Variants in SLC24A3 observed in about 807,000 individuals in gnomAD.
The protein encoded by SLC24A3 is sodium/potassium/calcium exchanger 3.
SLC24A3 carries 28 observed loss-of-function variants against 75.8 expected under a neutral mutation model. The observed-to-expected ratio is 0.37, with a 90% confidence interval of 0.27 to 0.51. The LOEUF (loss-of-function observed/expected upper bound fraction) is 0.51, where lower values mean the gene tolerates loss of function less well. SLC24A3 is among the 20% of genes least tolerant of loss of function. The probability of loss-of-function intolerance (pLI) is 0.94; values close to 1 mark genes in which losing one functional copy is unlikely to be tolerated. For synonymous variants in SLC24A3, 372 were observed against 334.1 expected (o/e 1.11, Z -1.24); for missense variants, 663 against 847.8 (o/e 0.78, Z 2.71).
intron 3 of SLC24A3, among the ~76,000 whole-genome samples, chr20:19,554,124 C>T (rs976677353): frequency 1.3e-5 from 2 of 152,076 alleles, no homozygotes; most frequent in African/African-American, 4.8e-5. Flanking sequence ...GGCTCAGGCA[C>T]ATGTGAAAGT....
intron 2 of SLC24A3, among the ~76,000 whole-genome samples, chr20:19,479,243 G>A (rs1259774623): frequency 2.0e-5 from 3 of 152,198 alleles, no homozygotes; most frequent in Non-Finnish European, 4.4e-5. Context: ...ACCTTCACCA[G>A]GAATATCTGA....
intron 2 of SLC24A3, among the ~76,000 whole-genome samples, chr20:19,305,562 C>T (rs1214290262): frequency 2.0e-5 from 3 of 151,956 alleles, no homozygotes; most frequent in African/African-American, 4.8e-5. Flanking sequence ...AGAATGATCT[C>T]ATGACACATA....
rs1471757521 is a variant in SLC24A3 at position 19,567,977 on chromosome 20, T to G, written c.349-12023T>G. Among the ~76,000 whole-genome samples the G allele has an allele frequency of 3.3e-5, 5 of 151,388 alleles. No individual in the cohort carries two copies. In the East Asian group the frequency reaches 9.7e-4, roughly 29 times the overall value. On this transcript the variant is annotated intron_variant, in intron 3 of 16. Coordinates refer to ENST00000328041, the MANE Select transcript of SLC24A3 (RefSeq NM_020689.4). The stretch of plus-strand genomic sequence containing the variant: ...TTGATTTCAAAATGGGCGAAGGACT[T>G]GAATAGACTTTTCTGCAAAAAAATG...
At chr20:19,215,628 T>C (rs965816) in intron 1 of SLC24A3, among the ~76,000 whole-genome samples, 31,511 of 152,074 alleles carry the variant, frequency 0.21, 3,374 homozygotes, top group Non-Finnish European at 0.24. Flanking sequence ...TCTTTCTTCC[T>C]TCCTGCTCCC....
intron 6 of SLC24A3, among the ~76,000 whole-genome samples, chr20:19,651,429 C>T (rs1314125424): frequency 6.7e-6 from 1 of 149,034 alleles, no homozygotes; most frequent in East Asian, 2.0e-4. Flanking sequence ...CTGCTTTCCT[C>T]TCCTCTGTCT....
chr20:19,668,915 G>A (rs2032431585), intron 8 of SLC24A3, among the ~76,000 whole-genome samples: 1 of 152,180 alleles, frequency 6.6e-6, no homozygotes, highest in African/African-American at 2.4e-5. Context: ...ATTGAAGAAA[G>A]GAAGGAGGAA....
chr20:19,277,433 T>C (rs192339570), intron 1 of SLC24A3, among the ~76,000 whole-genome samples: 41 of 152,350 alleles, frequency 2.7e-4, no homozygotes, highest in Non-Finnish European at 1.2e-4. Flanking sequence ...CTCTGACTTA[T>C]GTACTCTAAA....
intron 15 of SLC24A3, among the ~76,000 whole-genome samples, chr20:19,711,907 G>T (rs760082540): frequency 9.2e-5 from 14 of 152,044 alleles, no homozygotes; most frequent in Non-Finnish European, 1.3e-4. Flanking sequence ...CAAAGTGCTA[G>T]GGTTACAGGT....
chr20:19,272,739 G>A (rs927503628), intron 1 of SLC24A3, among the ~76,000 whole-genome samples: 2 of 152,182 alleles, frequency 1.3e-5, no homozygotes, highest in Admixed American at 6.5e-5. Context: ...CTCCTCCCTT[G>A]GTGGTTCAGT....
intron 12 of SLC24A3, among the ~76,000 whole-genome samples, chr20:19,693,029 C>G (rs6046253): frequency 1.3e-5 from 2 of 152,134 alleles, no homozygotes; most frequent in Admixed American, 6.5e-5. Context: ...TTTCGGAGAC[C>G]TAATCAGCAG....
chr20:19,367,623 TC>T (rs1490187525), intron 2 of SLC24A3, among the ~76,000 whole-genome samples: 1 of 152,134 alleles, frequency 6.6e-6, no homozygotes, highest in Non-Finnish European at 1.5e-5. Context: ...AGCTGTGGTC[TC>T]CCTGCCTTCT....
intron 3 of SLC24A3, among the ~76,000 whole-genome samples, chr20:19,565,661 C>G (rs2030945971): frequency 6.6e-6 from 1 of 152,110 alleles, no homozygotes; most frequent in Admixed American, 6.5e-5. Context: ...ACCTCGGAGC[C>G]TTTTTCCTTG....
chr20:19,450,987 G>A (rs1276330920), intron 2 of SLC24A3, among the ~76,000 whole-genome samples: 1 of 152,078 alleles, frequency 6.6e-6, no homozygotes, highest in Non-Finnish European at 1.5e-5. Context: ...GTGACAGAGC[G>A]AGACTCTGTT....
At chr20:19,401,945 C>CT (rs998647798) in intron 2 of SLC24A3, among the ~76,000 whole-genome samples, 36 of 152,306 alleles carry the variant, frequency 2.4e-4, no homozygotes, top group African/African-American at 8.7e-4. Context: ...ACTTCACTGT[C>CT]TCATTTCTCT....
At chr20:19,215,134 G>A (rs972286416) in intron 1 of SLC24A3, among the ~76,000 whole-genome samples, 1 of 152,190 alleles carries the variant, frequency 6.6e-6, no homozygotes, top group Admixed American at 6.5e-5. Context: ...ATTAATGTGT[G>A]TGAATCTGCA....
At chr20:19,270,836 G>A (rs1466714421) in intron 1 of SLC24A3, among the ~76,000 whole-genome samples, 2 of 152,160 alleles carry the variant, frequency 1.3e-5, no homozygotes, top group Admixed American at 1.3e-4. Flanking sequence ...TACTAGAAGA[G>A]AGGAGAGAGA....
chr20:19,511,967 C>T (rs1223531534), intron 2 of SLC24A3, among the ~76,000 whole-genome samples: 1 of 152,202 alleles, frequency 6.6e-6, no homozygotes, highest in Non-Finnish European at 1.5e-5. Flanking sequence ...CTGCCTTGCC[C>T]ACCCTGACCC....
chr20:19,304,905 C>A (rs571712572), intron 2 of SLC24A3, among the ~76,000 whole-genome samples: 7 of 152,294 alleles, frequency 4.6e-5, no homozygotes, highest in African/African-American at 1.7e-4. Flanking sequence ...TATTTTGGCC[C>A]TGTCTGAACT....
chr20:19,364,546 C>T (rs1359932540), intron 2 of SLC24A3, among the ~76,000 whole-genome samples: 2 of 152,054 alleles, frequency 1.3e-5, no homozygotes, highest in African/African-American at 4.8e-5. Flanking sequence ...GCATCAAACT[C>T]CCGGGCTCAG....
Sources: allele counts gnomAD v4.1 joint callset (sites outside exome capture counted in the v4.1 genomes callset), GRCh38; gene constraint gnomAD v4.1.1; transcripts MANE v1.5; gene names NCBI Gene and HGNC (gene_info 2026-07-23, HGNC 2026-07-21).